LPAR1: variants seen among roughly 807,000 people sequenced by gnomAD.
LPAR1 encodes LPA receptor 1.
A neutral mutation model predicts 23.8 loss-of-function variants in LPAR1; 5 were observed. The observed-to-expected ratio is 0.21, with a 90% confidence interval of 0.11 to 0.44. The LOEUF (loss-of-function observed/expected upper bound fraction) is 0.44. Ranked by LOEUF, LPAR1 falls within the 20% of genes least tolerant of loss-of-function variation. The pLI is 0.99. For synonymous variants in LPAR1, 160 were observed against 164.7 expected, an observed-to-expected ratio of 0.97 and a Z score of 0.22; for missense variants, 311 against 482.8, an observed-to-expected ratio of 0.64 and a Z score of 3.33.
chr9:110,935,223 T>A (rs2094619288), intron 5 of LPAR1, among the ~76,000 whole-genome samples: 1 of 151,966 alleles, frequency 6.6e-6, no homozygotes, highest in African/African-American at 2.4e-5. Flanking sequence ...GCAGGGGCAG[T>A]AAAAATAGCA....
Position 110,905,903 on chromosome 9 carries a change from T to C in LPAR1, c.794-30181A>G, listed in dbSNP as rs2091075048. Among the ~76,000 whole-genome samples the C allele has an allele frequency of 2.0e-5, 3 of 152,160 alleles. No individual in the cohort carries two copies. In the South Asian group the frequency reaches 6.2e-4, roughly 32 times the overall value. ...ATACCCTGAGGTTCAGTTTCTTCAT[T>C]TGTGAAAAGGATATGGTAATACCTA... is the stretch of plus-strand genomic sequence containing the variant. On this transcript the variant is annotated intron_variant, in intron 5 of 5. Coordinates refer to ENST00000683809, the MANE Select transcript of LPAR1 (RefSeq NM_001351411.2).
chr9:111,013,791 T>C (rs2097381734), intron 2 of LPAR1, among the ~76,000 whole-genome samples: 1 of 152,154 alleles, frequency 6.6e-6, no homozygotes, highest in Non-Finnish European at 1.5e-5. Flanking sequence ...TCCCCAACCT[T>C]CATTCCCTCT....
chr9:111,013,346 T>C (rs979463137), intron 2 of LPAR1, among the ~76,000 whole-genome samples: 1 of 152,108 alleles, frequency 6.6e-6, no homozygotes, highest in Non-Finnish European at 1.5e-5. Context: ...CCCAAAATGG[T>C]AAATGTAATA....
intron 2 of LPAR1, among the ~76,000 whole-genome samples, chr9:110,981,353 T>G (rs1215375218): frequency 6.6e-6 from 1 of 152,038 alleles, no homozygotes; most frequent in Non-Finnish European, 1.5e-5. Flanking sequence ...ATGTCATGTC[T>G]CCTTGCCTCA....
intron 2 of LPAR1, among the ~76,000 whole-genome samples, chr9:110,985,542 G>A (rs2096762290): frequency 6.6e-6 from 1 of 152,022 alleles, no homozygotes; most frequent in Non-Finnish European, 1.5e-5. Context: ...CTTTTTACAT[G>A]TATTTTATCA....
intron 5 of LPAR1, among the ~76,000 whole-genome samples, chr9:110,907,579 T>A (rs2091547604): frequency 6.6e-6 from 1 of 152,178 alleles, no homozygotes; most frequent in Non-Finnish European, 1.5e-5. Flanking sequence ...TTTTGATTCA[T>A]TAATTCTATA....
rs539864462 is a variant in LPAR1 at position 111,025,358 on chromosome 9, T to C, written c.-182+10764A>G. Among the ~76,000 whole-genome samples the C allele has an allele frequency of 2.4e-4, 37 of 152,356 alleles. No individual in the cohort carries two copies. The South Asian group carries it at 7.7e-3, about 32-fold the overall frequency. On this transcript the variant is annotated intron_variant, in intron 2 of 5. Transcript: ENST00000683809. ...TGCATAAATGTCTTCTTTTGAAAAG[T>C]GTCTGTTCATATCCTTCGCCCACGT...
chr9:111,025,309 G>C (rs1176524257), intron 2 of LPAR1, among the ~76,000 whole-genome samples: 1 of 152,188 alleles, frequency 6.6e-6, no homozygotes, highest in African/African-American at 2.4e-5. Context: ...GTGATGATGA[G>C]CTTTTTTTCA....
In LPAR1 at chr9:110,875,651, C is replaced by G. The variant is rs767305047; in HGVS notation, c.865G>C (p.Val289Leu). Residue 289 changes from valine (V) to leucine (L), a missense_variant, in exon 6 of 6, where the codon GTG becomes CTG. Transcript: ENST00000683809. ...AGGAAGAATTTCTCATAGGCCAGCA[C>G]GTCGCACTGTGGACAGCACACGTCT... Reference protein sequence around the residue: ...LLDVCCPQCDVLAYEKFFLLL... With the variant: ...LLDVCCPQCDLLAYEKFFLLL... 1 of 1,613,826 alleles carries G rather than the reference C, an allele frequency of 6.2e-7. No individual in the cohort carries two copies. Among genetic ancestry groups the G allele is most frequent in the Non-Finnish European group, 8.5e-7 (1 of 1,179,942 alleles).
At chr9:110,927,058 A>G (rs1564487291) in intron 5 of LPAR1, among the ~76,000 whole-genome samples, 1 of 152,222 alleles carries the variant, frequency 6.6e-6, no homozygotes, top group Non-Finnish European at 1.5e-5. Context: ...CCCTTGGACC[A>G]CACCTGGAGA....
intron 2 of LPAR1, among the ~76,000 whole-genome samples, chr9:110,973,992 G>A (rs1266190536): frequency 6.6e-6 from 1 of 152,040 alleles, no homozygotes; most frequent in Non-Finnish European, 1.5e-5. Flanking sequence ...CCAACATGGT[G>A]AAACCCCATC....
intron 4 of LPAR1, among the ~76,000 whole-genome samples, chr9:110,965,753 C>T (rs2096195082): frequency 6.6e-6 from 1 of 152,122 alleles, no homozygotes; most frequent in South Asian, 2.1e-4. Flanking sequence ...ACCATCTGAC[C>T]CAGCAATCCC....
At chr9:110,883,779 A>T (rs555000048) in intron 5 of LPAR1, among the ~76,000 whole-genome samples, 1 of 152,158 alleles carries the variant, frequency 6.6e-6, no homozygotes, top group Non-Finnish European at 1.5e-5. Flanking sequence ...TTAATTATAC[A>T]ATTTATCCCC....
chr9:110,978,053 T>A (rs2096596960), intron 2 of LPAR1, among the ~76,000 whole-genome samples: 1 of 152,162 alleles, frequency 6.6e-6, no homozygotes, highest in African/African-American at 2.4e-5. Flanking sequence ...GATTCTAGAA[T>A]CAGAGCAAAT....
rs547217968 is a variant in LPAR1 at position 110,920,968 on chromosome 9, CA to C, written c.793+20452del. Among the ~76,000 whole-genome samples, 14 of 141,934 alleles carry C rather than the reference CA, an allele frequency of 9.9e-5. No individual in the cohort carries two copies. The South Asian group carries it at 1.9e-3, about 20-fold the overall frequency. 93.1% of individuals were successfully genotyped at this position (141,934 alleles called of 152,430 possible). The stretch of plus-strand genomic sequence containing the variant: ...TGAGACCCCATCTCAACAACAACAA[CA>C]AATTTTTTTTTTTTTAATTAGCCAG... On this transcript the variant is annotated intron_variant, in intron 5 of 5. Transcript: ENST00000683809.
chr9:110,883,661 T>C (rs1003842181), intron 5 of LPAR1, among the ~76,000 whole-genome samples: 3 of 151,696 alleles, frequency 2.0e-5, no homozygotes, highest in African/African-American at 7.3e-5. Context: ...GATTTTTGTT[T>C]TCCCTTGAAC....
At chr9:111,018,143 T>A (rs1406394634) in intron 2 of LPAR1, among the ~76,000 whole-genome samples, 1 of 152,236 alleles carries the variant, frequency 6.6e-6, no homozygotes, top group African/African-American at 2.4e-5. Flanking sequence ...GTGAAAGACA[T>A]GACCACAGTG....
At chr9:110,943,017 T>TA (rs66501959) in intron 4 of LPAR1, among the ~76,000 whole-genome samples, 984 of 26,082 alleles carry the variant, frequency 0.038, 11 homozygotes, top group African/African-American at 0.14. Context: ...TTATTTACAA[T>TA]ATTTATAATA....
intron 5 of LPAR1, among the ~76,000 whole-genome samples, chr9:110,905,366 G>A (rs1350284239): frequency 1.4e-5 from 2 of 140,348 alleles, no homozygotes. Context: ...TTTTTTTGCA[G>A]AAGGGGTCTC....
Sources: gnomAD v4.1 joint callset for allele counts (sites outside exome capture counted in the v4.1 genomes callset) on GRCh38, gnomAD v4.1.1 for gene constraint, MANE v1.5 for transcripts, NCBI Gene and HGNC (gene_info 2026-07-23, HGNC 2026-07-21) for gene names.